The following B9D1 variants were observed in gnomAD, a reference collection of about 807,000 sequenced individuals.
The protein encoded by B9D1 is B9 domain containing 1.
B9D1 carries 20 observed loss-of-function variants against 26.1 expected under a neutral mutation model. The observed-to-expected ratio is 0.77, with a 90% confidence interval of 0.54 to 1.12. The LOEUF (loss-of-function observed/expected upper bound fraction) is 1.12. B9D1 is among the 50% of genes most tolerant of loss of function. The pLI is 0.00. For synonymous variants in B9D1, 105 were observed against 103.1 expected, an observed-to-expected ratio of 1.02 and a Z score of -0.11; for missense variants, 260 against 273.7, an observed-to-expected ratio of 0.95 and a Z score of 0.35.
intron 2 of B9D1, 23 bp from the exon 3 acceptor site, chr17:19,357,974 G>T: frequency 6.3e-7 from 1 of 1,590,376 alleles, no homozygotes; most frequent in Non-Finnish European, 8.6e-7. Flanking sequence ...TGACACAGAC[G>T]GCTGGATTCA....
chr17:19,334,830 C>T (rs185312902), downstream of B9D1: 207 of 153,182 alleles, frequency 1.4e-3, no homozygotes, highest in African/African-American at 4.8e-3. The surrounding 1 kb of genome is among the most constrained non-coding windows in gnomAD (Gnocchi z 4.9). Context: ...TAACCCCCAA[C>T]GTGGCTCTAT....
upstream of B9D1, among the ~76,000 whole-genome samples, chr17:19,365,076 C>A (rs912014961): frequency 7.9e-5 from 12 of 152,376 alleles, no homozygotes; most frequent in Non-Finnish European, 1.3e-4. This position sits in a 1 kb window ranked among gnomAD's most constrained non-coding sequence, Gnocchi z 5.0. Context: ...AAACCCCTGG[C>A]CCCAGCAGAG....
intron 3 of B9D1, among the ~76,000 whole-genome samples, chr17:19,349,715 T>C (rs1909335784): frequency 6.6e-6 from 1 of 152,148 alleles, no homozygotes; most frequent in African/African-American, 2.4e-5. Context: ...AGTGTGTATA[T>C]GTGTGTTTAT....
At chr17:19,367,108 G>A (rs1911630735), upstream of B9D1, among the ~76,000 whole-genome samples, 1 of 152,096 alleles carries the variant, frequency 6.6e-6, no homozygotes, top group South Asian at 2.1e-4. Context: ...GGGTGTGTAG[G>A]ACAATTGATC....
downstream of B9D1, among the ~76,000 whole-genome samples, chr17:19,339,310 G>A (rs529360382): frequency 6.6e-6 from 1 of 151,970 alleles, no homozygotes; most frequent in Non-Finnish European, 1.5e-5. Flanking sequence ...GTCAACAGTA[G>A]CCAACTCACA....
At chr17:19,337,771 G>A, downstream of B9D1, 5 of 1,516,350 alleles carry the variant, frequency 3.3e-6, no homozygotes, top group Admixed American at 5.9e-5. Flanking sequence ...AAATGGACAA[G>A]GGTCAAGCAT....
Position 19,362,576 on chromosome 17 carries a change from T to C in B9D1, c.-7A>G, listed in dbSNP as rs768909041. 11 of 1,588,258 alleles carry C rather than the reference T, an allele frequency of 6.9e-6. No individual in the cohort carries two copies. Among genetic ancestry groups the C allele is most frequent in the Non-Finnish European group, 8.6e-6 (10 of 1,167,598 alleles). Reference sequence around the variant, plus strand: ...TAGGACTCGCGGTCGCCATGGCAGGTCTGGGGGTGCCGGGGGGACCCACCT... The same window carrying C: ...TAGGACTCGCGGTCGCCATGGCAGGCCTGGGGGTGCCGGGGGGACCCACCT... On this transcript the variant is annotated 5_prime_UTR_variant, in exon 1 of 7. Coordinates refer to ENST00000261499, the MANE Select transcript of B9D1 (RefSeq NM_015681.6).
upstream of B9D1, among the ~76,000 whole-genome samples, chr17:19,366,541 C>G (rs1031117177): frequency 6.6e-6 from 1 of 152,098 alleles, no homozygotes; most frequent in Non-Finnish European, 1.5e-5. Flanking sequence ...GCTCCTAGCC[C>G]CCTTTTACAG....
downstream of B9D1, chr17:19,337,429 G>A (rs988334155): frequency 8.5e-6 from 3 of 353,672 alleles, no homozygotes; most frequent in African/African-American, 2.0e-5. Flanking sequence ...CTTGAGACGA[G>A]CCTGGAGGGA....
At chr17:19,345,852 G>A (rs1159381922) in intron 5 of B9D1, among the ~76,000 whole-genome samples, 5 of 152,222 alleles carry the variant, frequency 3.3e-5, no homozygotes, top group African/African-American at 1.2e-4. Context: ...GGGGATGACC[G>A]AGGTGTCAGC....
downstream of B9D1, among the ~76,000 whole-genome samples, chr17:19,339,911 G>T (rs111952441): frequency 0.013 from 2,017 of 152,092 alleles, 48 homozygotes; most frequent in African/African-American, 0.045. Context: ...TGTGCCAGGA[G>T]AAAAGGGAGA....
At chr17:19,342,965 G>A (rs907013858), downstream of B9D1, 7 of 595,872 alleles carry the variant, frequency 1.2e-5, no homozygotes, top group Admixed American at 2.2e-4. Context: ...TATAGAAAAG[G>A]CCACACAGCT....
chr17:19,337,470 T>G (rs1478255797), downstream of B9D1: 1 of 478,556 alleles, frequency 2.1e-6, no homozygotes, highest in Non-Finnish European at 3.8e-6. Flanking sequence ...CCCTCTGCTC[T>G]CTGTGCAAGT....
downstream of B9D1, among the ~76,000 whole-genome samples, chr17:19,338,680 A>G (rs997839447): frequency 5.3e-5 from 8 of 152,170 alleles, no homozygotes; most frequent in African/African-American, 1.9e-4. Context: ...GGCAGCCCAC[A>G]TGTCGTACTA....
rs373478202 is a variant in B9D1 at position 19,347,840 on chromosome 17, G to T, written c.285C>A (p.Phe95Leu). Residue 95 changes from phenylalanine (F) to leucine (L), a missense_variant, in exon 4 of 7, where the codon TTC becomes TTA. Physicochemically the swap from Phe to Leu is conservative, Grantham distance 22 (BLOSUM62 0). Coordinates refer to ENST00000261499, the MANE Select transcript of B9D1 (RefSeq NM_015681.6). This position sits in a 1 kb window ranked among gnomAD's most constrained non-coding sequence, Gnocchi z 4.3. The part of the protein sequence containing the change: ...IVLSVYGPDV[F>L]GNDVVRGYGA... ...CATAGCCTCGAACCACATCGTTCCC[G>T]AACACATCTGGTCCATACACGCTGA... 1.9e-6 allele frequency: 3 copies of T among 1,614,068 alleles called. No homozygotes were observed. The Admixed American group carries it at 5.0e-5, about 27-fold the overall frequency.
intron 1 of B9D1, among the ~76,000 whole-genome samples, chr17:19,376,625 A>AC (rs1491320183): frequency 1.3e-4 from 1 of 7,896 alleles, no homozygotes; most frequent in Non-Finnish European, 3.7e-4. Context: ...ACTAAAATAC[A>AC]AAAAAAAAAA....
At chr17:19,337,240 T>G (rs1178115606), downstream of B9D1, among the ~76,000 whole-genome samples, 1 of 44,490 alleles carries the variant, frequency 2.2e-5, no homozygotes, top group African/African-American at 1.1e-4. Flanking sequence ...GGTGGCTTGC[T>G]GTGCAACAGC....
At chr17:19,373,994 T>C (rs886323903) in intron 1 of B9D1, among the ~76,000 whole-genome samples, 1 of 152,190 alleles carries the variant, frequency 6.6e-6, no homozygotes, top group African/African-American at 2.4e-5. Flanking sequence ...AAACCAGAAA[T>C]CTTGAACTCA....
At chr17:19,362,279 G>A (rs968792693) in intron 1 of B9D1, among the ~76,000 whole-genome samples, 6 of 152,206 alleles carry the variant, frequency 3.9e-5, no homozygotes, top group South Asian at 2.1e-4. Flanking sequence ...GTGTGACCTC[G>A]GTACTAGCTC....
Sources: allele counts gnomAD v4.1 joint callset (sites outside exome capture counted in the v4.1 genomes callset), GRCh38; gene constraint gnomAD v4.1.1; non-coding constraint Gnocchi (gnomAD v3.1); transcripts MANE v1.5; gene names NCBI Gene and HGNC (gene_info 2026-07-23, HGNC 2026-07-21).